MYO1B: variants seen among roughly 807,000 people sequenced by gnomAD.
The protein encoded by MYO1B is unconventional myosin-Ib.
Under a neutral mutation model 159.7 loss-of-function variants are expected in MYO1B, and 72 were observed. The observed-to-expected ratio is 0.45, with a 90% CI of 0.37 to 0.55. The LOEUF (loss-of-function observed/expected upper bound fraction) is 0.55. Ranked by LOEUF, MYO1B falls within the 20% of genes least tolerant of loss-of-function variation. MYO1B has a pLI of 0.00. For synonymous variants in MYO1B, 468 were observed against 473.8 expected (o/e 0.99, Z 0.16); for missense variants, 1,062 against 1,364.8 (o/e 0.78, Z 3.50).
At chr2:191,255,355 A>G (rs1307136423) in intron 1 of MYO1B, among the ~76,000 whole-genome samples, 1 of 152,244 alleles carries the variant, frequency 6.6e-6, no homozygotes, top group Non-Finnish European at 1.5e-5. Flanking sequence ...GATACTGTGA[A>G]GGAAAAGGAC....
At chr2:191,387,105 G>T in intron 16 of MYO1B, 119 bp from the exon 17 acceptor site, 2 of 976,858 alleles carry the variant, frequency 2.0e-6, no homozygotes, top group South Asian at 1.7e-5. Context: ...AACATGTCAG[G>T]GATTTTTTGA....
chr2:191,303,972 G>A (rs1250364980), intron 3 of MYO1B, among the ~76,000 whole-genome samples: 1 of 152,076 alleles, frequency 6.6e-6, no homozygotes, highest in Non-Finnish European at 1.5e-5. Context: ...GACTGTCATG[G>A]GTCAAAATAA....
At chr2:191,363,306 T>G (rs1693791244) in intron 9 of MYO1B, among the ~76,000 whole-genome samples, 1 of 152,190 alleles carries the variant, frequency 6.6e-6, no homozygotes, top group East Asian at 1.9e-4. Flanking sequence ...TGTTACCCAG[T>G]ATCTTGGGCT....
Position 191,298,504 on chromosome 2 carries a change from TCTTA to T in MYO1B, c.251+2282_251+2285del, listed in dbSNP as rs1689116731. On this transcript the variant is annotated intron_variant, in intron 3 of 30. Transcript: ENST00000392318. ...TTATGAAAAAATCTGGATTCCTAGG[TCTTA>T]CTTCTCATAAGCCAGGAATCTACAT... 3.3e-5 allele frequency among the ~76,000 whole-genome samples: 5 copies of T among 152,182 alleles called. No individual in the cohort carries two copies. The South Asian group carries it at 8.3e-4, about 25-fold the overall frequency.
intron 19 of MYO1B, among the ~76,000 whole-genome samples, chr2:191,392,484 C>T (rs1409641267): frequency 1.3e-5 from 2 of 152,142 alleles, no homozygotes; most frequent in African/African-American, 4.8e-5. Flanking sequence ...ACATTCATAG[C>T]AACTGCAGGT....
chr2:191,299,469 T>C (rs1473551740), intron 3 of MYO1B, among the ~76,000 whole-genome samples: 1 of 152,196 alleles, frequency 6.6e-6, no homozygotes, highest in African/African-American at 2.4e-5. Flanking sequence ...CATAGAATTC[T>C]GTGCCTTCTG....
At chr2:191,276,551 A>G (rs1310332163) in intron 1 of MYO1B, among the ~76,000 whole-genome samples, 1 of 152,106 alleles carries the variant, frequency 6.6e-6, no homozygotes, top group African/African-American at 2.4e-5. Flanking sequence ...GAGGGAAAGT[A>G]GGGGTGGGTT....
Position 191,369,640 on chromosome 2 carries a change from C to T in MYO1B, c.1119+12C>T, listed in dbSNP as rs767347366. Reference sequence around the variant, plus strand: ...ATGAAAGCATTAAGGTACTGAATTTCTATGAGCAAAATCAGTTGTAATAAA... The same window carrying T: ...ATGAAAGCATTAAGGTACTGAATTTTTATGAGCAAAATCAGTTGTAATAAA... On this transcript the variant is annotated intron_variant, in intron 12 of 30. Transcript: ENST00000392318. 4 of 1,595,072 alleles carry T rather than the reference C, an allele frequency of 2.5e-6. No homozygotes were observed. The highest frequency in any genetic ancestry group is 3.4e-6 in the Non-Finnish European group (4 of 1,163,454).
intron 3 of MYO1B, among the ~76,000 whole-genome samples, chr2:191,319,812 A>G (rs954749023): frequency 6.6e-5 from 10 of 152,180 alleles, no homozygotes; most frequent in Admixed American, 3.9e-4. Context: ...AGTTCTAACA[A>G]ATTTCTTACA....
chr2:191,408,230 G>T, intron 25 of MYO1B, 41 bp downstream of exon 25: 2 of 1,445,148 alleles, frequency 1.4e-6, no homozygotes, highest in Non-Finnish European at 1.9e-6. Context: ...CAGCATTGTG[G>T]AATTACCCAC....
intron 1 of MYO1B, among the ~76,000 whole-genome samples, chr2:191,274,169 G>A (rs1048910940): frequency 2.0e-5 from 3 of 152,150 alleles, no homozygotes; most frequent in Non-Finnish European, 2.9e-5. Flanking sequence ...ATGATTCAAT[G>A]ACTCTTGGTG....
intron 2 of MYO1B, among the ~76,000 whole-genome samples, chr2:191,293,991 C>G (rs1187637771): frequency 1.3e-5 from 2 of 152,158 alleles, no homozygotes; most frequent in African/African-American, 2.4e-5. Context: ...GGCTTGTACC[C>G]TCCAATTAGT....
At chr2:191,298,109 A>G (rs899876976) in intron 3 of MYO1B, among the ~76,000 whole-genome samples, 3 of 152,216 alleles carry the variant, frequency 2.0e-5, no homozygotes, top group Admixed American at 1.3e-4. Flanking sequence ...CACTGTCCAG[A>G]TGCTTGTTTT....
At chr2:191,387,876 G>C (rs1384253333) in intron 17 of MYO1B, 2 of 222,232 alleles carry the variant, frequency 9.0e-6, no homozygotes, top group African/African-American at 4.6e-5. Context: ...TTAGTTAACT[G>C]CTCTGGCACT....
At chr2:191,304,255 GC>G (rs1480559472) in intron 3 of MYO1B, among the ~76,000 whole-genome samples, 1 of 152,164 alleles carries the variant, frequency 6.6e-6, no homozygotes, top group Non-Finnish European at 1.5e-5. Flanking sequence ...CCAGTATGTT[GC>G]TTTTTGTGGC....
At chr2:191,352,041 G>A (rs1265782122) in intron 7 of MYO1B, among the ~76,000 whole-genome samples, 4 of 152,184 alleles carry the variant, frequency 2.6e-5, no homozygotes, top group Non-Finnish European at 4.4e-5. Context: ...AGTTGAATGG[G>A]ATAGTGCTAC....
At chr2:191,300,018 T>C (rs1475504161) in intron 3 of MYO1B, among the ~76,000 whole-genome samples, 1 of 152,220 alleles carries the variant, frequency 6.6e-6, no homozygotes, top group Admixed American at 6.5e-5. Context: ...GTCTCACCAC[T>C]TTCTGCATGG....
chr2:191,421,851 A>AT (rs148639945), intron 30 of MYO1B, among the ~76,000 whole-genome samples: 4 of 152,092 alleles, frequency 2.6e-5, no homozygotes, highest in Non-Finnish European at 5.9e-5. Flanking sequence ...AACCTGAAAG[A>AT]TTTTTTTTGA....
rs145422983 is a variant in MYO1B at position 191,274,076 on chromosome 2, A to C, written c.-9-2811A>C. ...TCCTTAGTGTCCTATTTTTACCTTGAGAATGAGGTAGGCTGTCACTGGATC... is the reference window on the plus strand; with the variant it reads ...TCCTTAGTGTCCTATTTTTACCTTGCGAATGAGGTAGGCTGTCACTGGATC... On this transcript the variant is annotated intron_variant, in intron 1 of 30. Transcript: ENST00000392318. Among the ~76,000 whole-genome samples, 338 of 152,334 alleles carry C rather than the reference A, an allele frequency of 2.2e-3. 2 individuals are homozygous for C. Among genetic ancestry groups the C allele is most frequent in the Middle Eastern group, 3.4e-3 (1 of 294 alleles).
Sources: gnomAD v4.1 joint callset for allele counts (sites outside exome capture counted in the v4.1 genomes callset) on GRCh38, gnomAD v4.1.1 for gene constraint, MANE v1.5 for transcripts, NCBI Gene and HGNC (gene_info 2026-07-23, HGNC 2026-07-21) for gene names.